Variants in GLYR1 observed in about 807,000 individuals in gnomAD.
GLYR1 encodes the protein glyoxylate reductase 1 homolog.
GLYR1 carries 21 observed loss-of-function variants against 72.7 expected under a neutral mutation model. The observed-to-expected ratio is 0.29, with a 90% CI of 0.20 to 0.42. GLYR1 has a LOEUF of 0.42. GLYR1 is among the 10% of genes least tolerant of loss of function. The pLI, the probability that GLYR1 is intolerant of heterozygous loss-of-function variation, is 1.00. For synonymous variants in GLYR1, 392 were observed against 270.2 expected, an observed-to-expected ratio of 1.45 and a Z score of -4.42; for missense variants, 594 against 712.1, an observed-to-expected ratio of 0.83 and a Z score of 1.89.
In GLYR1 at chr16:4,846,759, C is replaced by G. The variant is rs566204781; in HGVS notation, c.38+469G>C. 20 of 231,032 alleles carry G rather than the reference C, an allele frequency of 8.7e-5. No homozygotes were observed. The East Asian group carries it at 2.6e-3, about 30-fold the overall frequency. 14.3% of individuals were successfully genotyped at this position (231,032 alleles called of 1,614,324 possible). On this transcript the variant is annotated intron_variant, in intron 1 of 15. Coordinates refer to ENST00000321919, the MANE Select transcript of GLYR1 (RefSeq NM_032569.4). The stretch of plus-strand genomic sequence containing the variant: ...CCCGCCGTTTCTTCGCGGGGCAACG[C>G]CAGCAGTCCGGTTTAGACAACCCCG...
chr16:4,828,317 C>T (rs1247588698), intron 5 of GLYR1, among the ~76,000 whole-genome samples: 1 of 152,032 alleles, frequency 6.6e-6, no homozygotes, highest in Non-Finnish European at 1.5e-5. Flanking sequence ...GATCCGCCCG[C>T]CTCGGCCTCC....
intron 3 of GLYR1, among the ~76,000 whole-genome samples, chr16:4,841,346 C>T (rs1324070770): frequency 1.4e-5 from 2 of 147,000 alleles, no homozygotes; most frequent in Non-Finnish European, 3.0e-5. Context: ...CGGGGCTCGG[C>T]GCTGTGGCTC....
chr16:4,830,452 T>G (rs1205955303), intron 5 of GLYR1, among the ~76,000 whole-genome samples: 2 of 152,164 alleles, frequency 1.3e-5, no homozygotes, highest in Non-Finnish European at 2.9e-5. Flanking sequence ...TCCCTGACCA[T>G]GGCCAGCCCT....
At chr16:4,835,748 T>C (rs1250494278) in intron 3 of GLYR1, among the ~76,000 whole-genome samples, 2 of 152,148 alleles carry the variant, frequency 1.3e-5, no homozygotes, top group East Asian at 3.9e-4. Context: ...GGAGAAACAC[T>C]TGAACCCAGG....
Position 4,811,162 on chromosome 16 carries a change from T to C in GLYR1, c.1587+8A>G, listed in dbSNP as rs925209564. The stretch of plus-strand genomic sequence containing the variant: ...AGGGCCTTGGGGCTTGGGCCACATC[T>C]ACCCTACCTCATTTGCTGCAGCTGC... On this transcript the variant is annotated splice_region_variant and intron_variant, in intron 15 of 15. Transcript: ENST00000321919. The C allele has an allele frequency of 1.9e-6, 3 of 1,611,354 alleles. No homozygotes were observed. The highest frequency in any genetic ancestry group is 2.5e-6 in the Non-Finnish European group (3 of 1,178,934).
At position 4,821,373 on chromosome 16, in the gene GLYR1, G is replaced by T. The variant is rs753487301; in HGVS notation, c.806+7C>A. Reference sequence around the variant, plus strand: ...GCCACTGGAGGCCTTTTCATCAAAGGTCCTACTTTTTGTCTGTGGGTGTGA... The same window carrying T: ...GCCACTGGAGGCCTTTTCATCAAAGTTCCTACTTTTTGTCTGTGGGTGTGA... On this transcript the variant is annotated splice_region_variant and intron_variant, in intron 9 of 15. Transcript: ENST00000321919. 6 of 1,612,464 alleles carry T rather than the reference G, an allele frequency of 3.7e-6. No individual in the cohort carries two copies. The highest frequency in any genetic ancestry group is 1.7e-5 in the Admixed American group (1 of 60,012).
chr16:4,843,569 CTGGCTTGT>C (rs1190047969), intron 3 of GLYR1: 2 of 1,289,022 alleles, frequency 1.6e-6, no homozygotes, highest in Non-Finnish European at 2.0e-6. Flanking sequence ...GGCTGCTAAG[CTGGCTTGT>C]GATAGAGAAA....
chr16:4,847,276 A>G lies in GLYR1; in HGVS notation c.-11T>C. 1 of 1,608,996 alleles carries G rather than the reference A, an allele frequency of 6.2e-7. No individual in the cohort carries two copies. Among genetic ancestry groups the G allele is most frequent in the Non-Finnish European group, 8.5e-7 (1 of 1,178,590 alleles). On this transcript the variant is annotated 5_prime_UTR_variant, in exon 1 of 16. Coordinates refer to ENST00000321919, the MANE Select transcript of GLYR1 (RefSeq NM_032569.4). ...ACTCACAGCCGCCATCTTACCACCCAACCACCGCCGACGCACGGGCCGCCG... is the reference window on the plus strand; with the variant it reads ...ACTCACAGCCGCCATCTTACCACCCGACCACCGCCGACGCACGGGCCGCCG...
At chr16:4,818,908 T>C (rs2083824058) in intron 9 of GLYR1, among the ~76,000 whole-genome samples, 1 of 152,098 alleles carries the variant, frequency 6.6e-6, no homozygotes, top group South Asian at 2.1e-4. Flanking sequence ...TCCCAATCCT[T>C]GTGACAGAAG....
At chr16:4,829,670 A>G (rs2142008351) in intron 5 of GLYR1, among the ~76,000 whole-genome samples, 1 of 148,274 alleles carries the variant, frequency 6.7e-6, no homozygotes, top group East Asian at 2.0e-4. Context: ...ATTCATTTAT[A>G]TTAAATTTTT....
At chr16:4,825,670 G>C (rs1261864898) in intron 5 of GLYR1, among the ~76,000 whole-genome samples, 2 of 128,432 alleles carry the variant, frequency 1.6e-5, no homozygotes, top group African/African-American at 5.9e-5. Flanking sequence ...TTTTTTTTTT[G>C]AGACGGAGTC....
At chr16:4,814,972 A>G (rs1448796070) in intron 10 of GLYR1, among the ~76,000 whole-genome samples, 1 of 152,178 alleles carries the variant, frequency 6.6e-6, no homozygotes, top group Non-Finnish European at 1.5e-5. Context: ...TGTGGCCCTG[A>G]GCTATCAACA....
At chr16:4,821,324 CT>C in intron 9 of GLYR1, 55 bp downstream of exon 9, 2 of 1,579,240 alleles carry the variant, frequency 1.3e-6, no homozygotes. Flanking sequence ...GGGTCACCTT[CT>C]CCCCACCCTC....
Position 4,822,950 on chromosome 16 carries a change from G to T in GLYR1, c.625-19C>A. On this transcript the variant is annotated intron_variant, in intron 6 of 15. Transcript: ENST00000321919. ...TAACAGGCTGAAACCAGAAAACAGT[G>T]AAATAAAACCAGTTATCTGCCACCA... is the stretch of plus-strand genomic sequence containing the variant. The T allele has an allele frequency of 6.2e-7, 1 of 1,611,518 alleles. No homozygotes were observed. Among genetic ancestry groups the T allele is most frequent in the South Asian group, 1.1e-5 (1 of 91,030 alleles).
chr16:4,829,307 G>C (rs1338887652), intron 5 of GLYR1, among the ~76,000 whole-genome samples: 2 of 151,910 alleles, frequency 1.3e-5, no homozygotes, highest in African/African-American at 4.8e-5. Flanking sequence ...TGTATTTCCA[G>C]CTTCTCTCTT....
intron 5 of GLYR1, among the ~76,000 whole-genome samples, chr16:4,826,987 C>G (rs1049786552): frequency 2.0e-5 from 3 of 152,212 alleles, no homozygotes; most frequent in Non-Finnish European, 2.9e-5. Flanking sequence ...GGGAGAGTCA[C>G]AGAACTAACA....
At chr16:4,828,979 C>T (rs1359552909) in intron 5 of GLYR1, among the ~76,000 whole-genome samples, 1 of 152,104 alleles carries the variant, frequency 6.6e-6, no homozygotes, top group Non-Finnish European at 1.5e-5. Flanking sequence ...AATCTGACAG[C>T]CCAGATTCCT....
chr16:4,810,189 T>C (rs2083244992), intron 15 of GLYR1, among the ~76,000 whole-genome samples: 1 of 151,656 alleles, frequency 6.6e-6, no homozygotes, highest in Non-Finnish European at 1.5e-5. Context: ...AGATTCCACT[T>C]TAAAGGGTTT....
At position 4,805,211 on chromosome 16, in the gene GLYR1, G is replaced by A; in HGVS notation, c.*25C>T. The A allele has an allele frequency of 1.2e-6, 2 of 1,607,816 alleles. No individual in the cohort carries two copies. The highest frequency in any genetic ancestry group is 1.7e-6 in the Non-Finnish European group (2 of 1,174,844). ...AGAGGGGGTCAGAGGGGGGATTGGA[G>A]GGGTGAGGGCGGGGTGTCGACAGCT... On this transcript the variant is annotated 3_prime_UTR_variant, in exon 16 of 16. Transcript: ENST00000321919.
Sources: gnomAD v4.1 joint callset for allele counts (sites outside exome capture counted in the v4.1 genomes callset) on GRCh38, gnomAD v4.1.1 for gene constraint, MANE v1.5 for transcripts, NCBI Gene and HGNC (gene_info 2026-07-23, HGNC 2026-07-21) for gene names.